PRKN: variants seen among roughly 807,000 people sequenced by gnomAD.
PRKN encodes E3 ubiquitin-protein ligase parkin.
Under a neutral mutation model 59.5 loss-of-function variants are expected in PRKN, and 56 were observed. The observed-to-expected ratio is 0.94, with a 90% confidence interval of 0.76 to 1.18. PRKN has a LOEUF of 1.18. Among genes scored for constraint, PRKN ranks in the 50% most tolerant of loss-of-function variants. PRKN has a pLI of 0.00. For synonymous variants in PRKN, 250 were observed against 222.1 expected (o/e 1.13, Z -1.12); for missense variants, 657 against 596.4 (o/e 1.10, Z -1.06).
intron 1 of PRKN, among the ~76,000 whole-genome samples, chr6:162,550,893 G>A (rs1424402291): frequency 6.6e-6 from 1 of 152,122 alleles, no homozygotes; most frequent in Non-Finnish European, 1.5e-5. Context: ...TTCAGGTCCT[G>A]GTGAGAAGAC....
At chr6:162,496,640 TC>T (rs1793075059) in intron 1 of PRKN, among the ~76,000 whole-genome samples, 1 of 152,226 alleles carries the variant, frequency 6.6e-6, no homozygotes, top group South Asian at 2.1e-4. Flanking sequence ...AAATTCTGGC[TC>T]CTCGCAATGA....
intron 6 of PRKN, among the ~76,000 whole-genome samples, chr6:161,858,476 C>A (rs1374637798): frequency 6.6e-6 from 1 of 152,186 alleles, no homozygotes; most frequent in Non-Finnish European, 1.5e-5. Context: ...ACTGGACCTG[C>A]CACTAGGCTT....
intron 2 of PRKN, among the ~76,000 whole-genome samples, chr6:162,315,089 A>C (rs761503325): frequency 1.3e-5 from 2 of 152,186 alleles, no homozygotes; most frequent in Non-Finnish European, 2.9e-5. Context: ...TTAAATTTTT[A>C]TATCTGTTTA....
chr6:162,651,356 G>A (rs1401087242), intron 1 of PRKN, among the ~76,000 whole-genome samples: 1 of 152,088 alleles, frequency 6.6e-6, no homozygotes, highest in African/African-American at 2.4e-5. Context: ...CACTTACGTG[G>A]AACTCTGTAA....
intron 6 of PRKN, among the ~76,000 whole-genome samples, chr6:161,948,520 T>C (rs1305018806): frequency 6.6e-6 from 1 of 152,168 alleles, no homozygotes; most frequent in Non-Finnish European, 1.5e-5. Context: ...GCACATTGCA[T>C]TATGACACAT....
Position 161,436,978 on chromosome 6 carries a change from T to C in PRKN, c.1084-50101A>G, listed in dbSNP as rs557944425. On this transcript the variant is annotated intron_variant, in intron 9 of 11. Transcript: ENST00000366898. ...GAAAATAACAACTAGGATGCTTCTG[T>C]TACCATCACAGTCACCCCCATTATC... is the stretch of plus-strand genomic sequence containing the variant. 4.8e-4 allele frequency among the ~76,000 whole-genome samples: 73 copies of C among 152,174 alleles called. 2 individuals carry two copies. Among genetic ancestry groups the C allele is most frequent in the African/African-American group, 1.6e-3 (68 of 41,498 alleles).
At chr6:162,064,842 GA>G (rs1778260486) in intron 4 of PRKN, among the ~76,000 whole-genome samples, 1 of 152,216 alleles carries the variant, frequency 6.6e-6, no homozygotes, top group African/African-American at 2.4e-5. Flanking sequence ...GGTTGAAGAA[GA>G]AGGACGAGTC....
At position 162,701,197 on chromosome 6, in the gene PRKN, C is replaced by A. The variant is rs540453452; in HGVS notation, c.7+26465G>T. Among the ~76,000 whole-genome samples, 133 of 152,090 alleles carry A rather than the reference C, an allele frequency of 8.7e-4. 1 individual carries two copies. The highest frequency in any genetic ancestry group is 1.1e-3 in the Admixed American group (17 of 15,264). On this transcript the variant is annotated intron_variant, in intron 1 of 11. Transcript: ENST00000366898. ...GTCTACTGCCAACTGCTAAGAAAACCAAAATTCAATGTGATTATAATTGTA... is the reference window on the plus strand; with the variant it reads ...GTCTACTGCCAACTGCTAAGAAAACAAAAATTCAATGTGATTATAATTGTA...
At chr6:162,212,374 G>A (rs535437735) in intron 3 of PRKN, among the ~76,000 whole-genome samples, 6 of 143,656 alleles carry the variant, frequency 4.2e-5, no homozygotes, top group South Asian at 2.4e-4. Context: ...GTCCCAGGAA[G>A]ACATTAAACC....
chr6:161,911,936 G>C (rs1778376119), intron 6 of PRKN, among the ~76,000 whole-genome samples: 1 of 152,152 alleles, frequency 6.6e-6, no homozygotes, highest in African/African-American at 2.4e-5. Flanking sequence ...CCAGCACTTT[G>C]GGAGGCCGAG....
intron 1 of PRKN, among the ~76,000 whole-genome samples, chr6:162,600,925 T>TC (rs1423678911): frequency 6.6e-6 from 1 of 152,178 alleles, no homozygotes; most frequent in Non-Finnish European, 1.5e-5. Flanking sequence ...CTTTATAAAT[T>TC]ACCCAGTATC....
chr6:162,339,106 G>A (rs1322562031), intron 2 of PRKN, among the ~76,000 whole-genome samples: 17 of 146,328 alleles, frequency 1.2e-4, no homozygotes, highest in Admixed American at 6.0e-4. Context: ...CAGCCGCCCC[G>A]TCTGAGAAGT....
At position 162,531,305 on chromosome 6, in the gene PRKN, C is replaced by T. The variant is rs549666436; in HGVS notation, c.8-87832G>A. The stretch of plus-strand genomic sequence containing the variant: ...TAACCGTCAAGGGGTTCACCTTGCT[C>T]GCTGCCTAGACAGAGCCGATTCATC... On this transcript the variant is annotated intron_variant, in intron 1 of 11. Transcript: ENST00000366898. 1.2e-4 allele frequency among the ~76,000 whole-genome samples: 19 copies of T among 152,198 alleles called. No homozygotes were observed. In the South Asian group the frequency reaches 3.7e-3, roughly 30 times the overall value.
chr6:161,707,394 A>G (rs986457119), intron 7 of PRKN, among the ~76,000 whole-genome samples: 3 of 152,204 alleles, frequency 2.0e-5, no homozygotes, highest in African/African-American at 7.2e-5. Context: ...TAGTCATCAA[A>G]TGAGTGGTCC....
At chr6:162,187,583 A>G (rs1294522817) in intron 4 of PRKN, among the ~76,000 whole-genome samples, 1 of 152,148 alleles carries the variant, frequency 6.6e-6, no homozygotes, top group Non-Finnish European at 1.5e-5. Context: ...GCAGGAGTAC[A>G]TGGCAAGCTT....
chr6:161,783,607 A>C, intron 7 of PRKN: 1 of 493,220 alleles, frequency 2.0e-6, no homozygotes, highest in Non-Finnish European at 3.9e-6. Flanking sequence ...CTAAAAAGAT[A>C]GAGTGTGAAG....
chr6:162,603,997 C>A (rs537635678), intron 1 of PRKN, among the ~76,000 whole-genome samples: 5 of 152,084 alleles, frequency 3.3e-5, no homozygotes, highest in African/African-American at 1.2e-4. Flanking sequence ...CAGAGGCTCA[C>A]GAACACTTTT....
chr6:162,073,224 C>T (rs1165767715), intron 4 of PRKN, among the ~76,000 whole-genome samples: 1 of 152,202 alleles, frequency 6.6e-6, no homozygotes, highest in African/African-American at 2.4e-5. Flanking sequence ...CGCTTACTCA[C>T]TTTATAACAA....
At chr6:162,483,070 C>T (rs1431345706) in intron 1 of PRKN, among the ~76,000 whole-genome samples, 1 of 152,150 alleles carries the variant, frequency 6.6e-6, no homozygotes, top group Non-Finnish European at 1.5e-5. Context: ...ATTATAATTA[C>T]TACAGCCTCC....
Sources: gnomAD v4.1 joint callset for allele counts (sites outside exome capture counted in the v4.1 genomes callset) on GRCh38, gnomAD v4.1.1 for gene constraint, MANE v1.5 for transcripts, NCBI Gene and HGNC (gene_info 2026-07-23, HGNC 2026-07-21) for gene names.